Variants in DACH2 observed in about 807,000 individuals in gnomAD.
The protein encoded by DACH2 is dachshund homolog 2.
A neutral mutation model predicts 35.8 loss-of-function variants in DACH2; 17 were observed. That is an observed-to-expected ratio of 0.48 (90% CI 0.33 to 0.71). DACH2 has a LOEUF of 0.71. DACH2 is among the 30% of genes least tolerant of loss of function. DACH2 has a pLI of 0.02. For missense variants in DACH2, 469 were observed against 472.7 expected, an observed-to-expected ratio of 0.99 and a Z score of 0.07; for synonymous variants, 195 against 177.3, an observed-to-expected ratio of 1.10 and a Z score of -0.79.
intron 1 of DACH2, among the ~76,000 whole-genome samples, chrX:86,358,925 T>C (rs370678964): frequency 4.5e-5 from 5 of 111,517 alleles, no homozygotes; most frequent in East Asian, 2.9e-4. Context: ...CAGAATATCA[T>C]TGAAGTTTAA....
chrX:86,478,765 C>T (rs1240964552), intron 2 of DACH2, among the ~76,000 whole-genome samples: 1 of 109,144 alleles, frequency 9.2e-6, no homozygotes, highest in Admixed American at 9.8e-5. Context: ...CATTTTTGGG[C>T]TTCGACCCAT....
At chrX:86,537,159 G>T (rs183477830) in intron 3 of DACH2, among the ~76,000 whole-genome samples, 1 of 111,665 alleles carries the variant, frequency 9.0e-6, no homozygotes, top group Non-Finnish European at 1.9e-5. Context: ...AATGTTTCTA[G>T]CTTGTACTAT....
chrX:86,190,680 C>A (rs190128803), intron 1 of DACH2, among the ~76,000 whole-genome samples: 1 of 112,226 alleles, frequency 8.9e-6, no homozygotes, highest in East Asian at 2.8e-4. Flanking sequence ...CGCGGTGGCT[C>A]ACGCCTGTAA....
intron 2 of DACH2, among the ~76,000 whole-genome samples, chrX:86,508,259 T>C (rs1387284870): frequency 9.0e-6 from 1 of 111,237 alleles, no homozygotes; most frequent in Non-Finnish European, 1.9e-5. Context: ...TGATTCAGTT[T>C]AAGATGTATT....
chrX:86,592,904 C>G (rs1332803471), intron 3 of DACH2, among the ~76,000 whole-genome samples: 1 of 111,843 alleles, frequency 8.9e-6, no homozygotes, highest in Non-Finnish European at 1.9e-5. Flanking sequence ...CTTATTAGTT[C>G]AAAGAGTTAT....
chrX:86,430,741 G>A (rs1215903701), intron 2 of DACH2, among the ~76,000 whole-genome samples: 6 of 111,838 alleles, frequency 5.4e-5, no homozygotes, highest in African/African-American at 1.9e-4. Context: ...AAGCATGGAA[G>A]GATAATTAAG....
intron 11 of DACH2, chrX:86,827,840 G>T (rs904032869): frequency 1.8e-6 from 2 of 1,109,437 alleles, no homozygotes. Flanking sequence ...TGCTTATCTA[G>T]TGTTGTAAAT....
At chrX:86,829,897 T>C (rs1045156682) in intron 11 of DACH2, 18 of 111,941 alleles carry the variant, frequency 1.6e-4, no homozygotes, top group African/African-American at 5.8e-4. Context: ...AACATTCCCC[T>C]GGAGAGACTT....
intron 1 of DACH2, among the ~76,000 whole-genome samples, chrX:86,336,145 G>A (rs191172784): frequency 3.4e-4 from 38 of 111,889 alleles, no homozygotes; most frequent in African/African-American, 1.2e-3. Flanking sequence ...GTTGGATTCG[G>A]TCTGCCAGTA....
intron 4 of DACH2, among the ~76,000 whole-genome samples, chrX:86,686,058 G>T (rs1191426958): frequency 1.8e-5 from 2 of 111,482 alleles, no homozygotes; most frequent in Non-Finnish European, 3.8e-5. Flanking sequence ...ATAAGAAAAT[G>T]CTATCACTGT....
At chrX:86,158,488 T>C (rs568657197) in intron 1 of DACH2, among the ~76,000 whole-genome samples, 53 of 109,600 alleles carry the variant, frequency 4.8e-4, no homozygotes, top group African/African-American at 1.8e-3. Context: ...ACCATTTTGA[T>C]CGCTCATGAT....
intron 7 of DACH2, chrX:86,798,974 C>T (rs12842387): frequency 0.027 from 6,171 of 224,404 alleles, 415 homozygotes; most frequent in African/African-American, 0.17. Flanking sequence ...CCAAAGAAAT[C>T]TCTATGTCAG....
intron 11 of DACH2, among the ~76,000 whole-genome samples, chrX:86,821,920 G>A (rs1257568452): frequency 9.0e-6 from 1 of 111,696 alleles, no homozygotes; most frequent in African/African-American, 3.3e-5. Context: ...AGCATGTTGA[G>A]TCTACAGGAG....
chrX:86,355,647 A>G (rs1349026861), intron 1 of DACH2, among the ~76,000 whole-genome samples: 1 of 111,665 alleles, frequency 9.0e-6, no homozygotes, highest in African/African-American at 3.3e-5. Flanking sequence ...CTCCTACATC[A>G]GCCCTAAAGT....
intron 2 of DACH2, among the ~76,000 whole-genome samples, chrX:86,400,232 C>G (rs2036397000): frequency 8.9e-6 from 1 of 111,772 alleles, no homozygotes; most frequent in Non-Finnish European, 1.9e-5. Context: ...TCAGCTCTAT[C>G]AGGTCCTTTA....
chrX:86,218,687 CT>C, intron 1 of DACH2, among the ~76,000 whole-genome samples: 1 of 111,790 alleles, frequency 8.9e-6, no homozygotes, highest in Non-Finnish European at 1.9e-5. Context: ...ATCCCACTTT[CT>C]TTTTTTCTTT....
At chrX:86,276,926 C>A (rs1292789696) in intron 1 of DACH2, among the ~76,000 whole-genome samples, 1 of 111,703 alleles carries the variant, frequency 9.0e-6, no homozygotes, top group African/African-American at 3.3e-5. Context: ...GTTTTGGTTC[C>A]TATAGCTTTG....
intron 1 of DACH2, among the ~76,000 whole-genome samples, chrX:86,258,425 A>G (rs1416036542): frequency 9.0e-6 from 1 of 111,529 alleles, no homozygotes; most frequent in Non-Finnish European, 1.9e-5. Context: ...GAGGCAGATT[A>G]AATTAGCTAG....
At chrX:86,402,932 A>G (rs1336305158) in intron 2 of DACH2, among the ~76,000 whole-genome samples, 2 of 112,230 alleles carry the variant, frequency 1.8e-5, no homozygotes, top group East Asian at 2.8e-4. Context: ...AGCAAAGGGG[A>G]AAGGACTTCC....
Sources: gnomAD v4.1 joint callset for allele counts (sites outside exome capture counted in the v4.1 genomes callset) on GRCh38, gnomAD v4.1.1 for gene constraint, MANE v1.5 for transcripts, NCBI Gene and HGNC (gene_info 2026-07-23, HGNC 2026-07-21) for gene names.